PARD3: variants seen among roughly 807,000 people sequenced by gnomAD.
The protein encoded by PARD3 is par-3 family cell polarity regulator.
PARD3 carries 75 observed loss-of-function variants against 155.4 expected under a neutral mutation model. That is an observed-to-expected ratio of 0.48 (90% confidence interval 0.40 to 0.58). The LOEUF (loss-of-function observed/expected upper bound fraction) is 0.58, where lower values mean the gene tolerates loss of function less well. Ranked by LOEUF, PARD3 falls within the 20% of genes least tolerant of loss-of-function variation. The pLI is 0.00. For missense variants in PARD3, 1,642 were observed against 1,721.7 expected (o/e 0.95, Z 0.82); for synonymous variants, 576 against 610.5 (o/e 0.94, Z 0.83).
chr10:34,231,266 CAAAAAAAA>C (rs57175956), intron 22 of PARD3, among the ~76,000 whole-genome samples: 6 of 81,840 alleles, frequency 7.3e-5, no homozygotes, highest in African/African-American at 1.8e-4. Context: ...TAATCTTAGG[CAAAAAAAA>C]AAAAAAAAAA....
intron 4 of PARD3, among the ~76,000 whole-genome samples, chr10:34,457,704 G>A (rs759765893): frequency 2.0e-5 from 3 of 151,948 alleles, no homozygotes; most frequent in African/African-American, 7.3e-5. Flanking sequence ...GGGCTCAAGC[G>A]ATCCTCCCAT....
Position 34,606,579 on chromosome 10 carries a change from T to A in PARD3, c.223-89420A>T, listed in dbSNP as rs187351365. On this transcript the variant is annotated intron_variant, in intron 2 of 24. Coordinates refer to ENST00000374788, the MANE Select transcript of PARD3 (RefSeq NM_001184785.2). ...CTTTTGGGAGGCTGAGGCAGGAGGA[T>A]CACTTGAGGCCAGGAGTTCAAGACC... 7.1e-3 allele frequency among the ~76,000 whole-genome samples: 1,010 copies of A among 142,458 alleles called. 13 individuals are homozygous for A. Among genetic ancestry groups the A allele is most frequent in the African/African-American group, 0.024 (932 of 38,162 alleles). 93.5% of individuals were successfully genotyped at this position (142,458 alleles called of 152,430 possible).
At chr10:34,125,710 T>C (rs568330086) in intron 23 of PARD3, among the ~76,000 whole-genome samples, 1 of 152,316 alleles carries the variant, frequency 6.6e-6, no homozygotes, top group African/African-American at 2.4e-5. Context: ...ATTCATTGAA[T>C]GACGGACAGC....
At chr10:34,406,951 T>C (rs1844541379) in intron 5 of PARD3, among the ~76,000 whole-genome samples, 1 of 152,070 alleles carries the variant, frequency 6.6e-6, no homozygotes, top group South Asian at 2.1e-4. Context: ...TGTAACAGCA[T>C]TGAAAGGATG....
intron 3 of PARD3, among the ~76,000 whole-genome samples, chr10:34,476,185 G>A (rs1403941651): frequency 6.6e-6 from 1 of 152,186 alleles, no homozygotes; most frequent in Non-Finnish European, 1.5e-5. Context: ...TGTTGGAGAA[G>A]TGTTTTATGC....
At chr10:34,212,304 CCT>C (rs758480150) in intron 22 of PARD3, among the ~76,000 whole-genome samples, 13 of 152,080 alleles carry the variant, frequency 8.5e-5, no homozygotes, top group Non-Finnish European at 1.8e-4. Flanking sequence ...AACTTGAAGC[CCT>C]GTTATCTAGG....
rs5784409 is a variant in PARD3, at chr10:34,303,162, A to ATTTTTTTTTTTTTT, written c.3065+13931_3065+13944dup. ...AGAATTTATTTTACTGCCCAGGTGA[A>ATTTTTTTTTTTTTT]TTTTTTTTTTTTTTTTTTTTGTGCA... On this transcript the variant is annotated intron_variant, in intron 20 of 24. Coordinates refer to ENST00000374788, the MANE Select transcript of PARD3 (RefSeq NM_001184785.2). 4.6e-3 allele frequency among the ~76,000 whole-genome samples: 609 copies of ATTTTTTTTTTTTTT among 131,750 alleles called. 13 individuals carry two copies. The highest frequency in any genetic ancestry group is 0.021 in the East Asian group (93 of 4,530). The allele number at this position is 131,750 out of a possible 152,430, so 86.4% of individuals were successfully genotyped here. A position where few individuals can be genotyped will look rare whatever the true frequency, so the allele number is the denominator to read the frequency against.
intron 3 of PARD3, among the ~76,000 whole-genome samples, chr10:34,499,432 CAA>C (rs1388672897): frequency 6.6e-6 from 1 of 151,822 alleles, no homozygotes; most frequent in Admixed American, 6.6e-5. Context: ...GATATAGACA[CAA>C]AAAGTTATTT....
chr10:34,801,179 C>A (rs1363724697), intron 1 of PARD3, among the ~76,000 whole-genome samples: 1 of 152,194 alleles, frequency 6.6e-6, no homozygotes, highest in Non-Finnish European at 1.5e-5. Flanking sequence ...TTCCTATCTC[C>A]CGTGCTGCTA....
intron 22 of PARD3, among the ~76,000 whole-genome samples, chr10:34,177,438 A>C (rs894296448): frequency 3.0e-4 from 46 of 152,134 alleles, no homozygotes; most frequent in Admixed American, 2.9e-3. Context: ...AATACCCCCC[A>C]AATCAGTTTG....
chr10:34,761,379 C>T (rs948205504), intron 1 of PARD3, among the ~76,000 whole-genome samples: 7 of 152,278 alleles, frequency 4.6e-5, no homozygotes, highest in Middle Eastern at 3.4e-3. Context: ...CCACTGCACT[C>T]CAGCCTGGGT....
intron 5 of PARD3, among the ~76,000 whole-genome samples, chr10:34,448,134 C>CGTGT (rs35325584): frequency 0.25 from 36,585 of 146,978 alleles, 4,690 homozygotes; most frequent in East Asian, 0.35. Flanking sequence ...ATATACACTG[C>CGTGT]GTGTGTGTGT....
At chr10:34,219,114 C>T (rs1952152027) in intron 22 of PARD3, among the ~76,000 whole-genome samples, 1 of 152,148 alleles carries the variant, frequency 6.6e-6, no homozygotes, top group Non-Finnish European at 1.5e-5. Context: ...TTCAGCTGGG[C>T]CTGCCCACTT....
At chr10:34,720,993 A>G (rs1168861070) in intron 1 of PARD3, among the ~76,000 whole-genome samples, 1 of 152,188 alleles carries the variant, frequency 6.6e-6, no homozygotes, top group Non-Finnish European at 1.5e-5. Context: ...AAATAAAAGA[A>G]AACACTTTTC....
chr10:34,797,111 A>G (rs373649786), intron 1 of PARD3, among the ~76,000 whole-genome samples: 28 of 152,362 alleles, frequency 1.8e-4, no homozygotes, highest in East Asian at 1.2e-3. Flanking sequence ...CCCACTGGCA[A>G]TCTGGTGTCA....
chr10:34,262,427 C>T (rs1298390884), intron 22 of PARD3, among the ~76,000 whole-genome samples: 4 of 152,024 alleles, frequency 2.6e-5, no homozygotes, highest in Non-Finnish European at 5.9e-5. Flanking sequence ...ACCACCATGC[C>T]CGGATAATTT....
chr10:34,333,619 T>C (rs1172518502), intron 18 of PARD3, among the ~76,000 whole-genome samples: 2 of 152,096 alleles, frequency 1.3e-5, no homozygotes, highest in Admixed American at 1.3e-4. Flanking sequence ...CTACAACTTC[T>C]GAACCTGTAA....
chr10:34,814,966 G>T lies in PARD3; in HGVS notation c.30C>A (p.Thr10=). The change falls in exon 1 of 25, where the codon ACC becomes ACA. Residue 10 remains threonine (T), a synonymous_variant. Transcript: ENST00000374788. ...CGTCCCCGCACGGCACGACCACCCG[G>T]GTCCGTCCGAAGCACACGGTCACTT... MKVTVCFGR[T]RVVVPCGDGH... 3 of 1,555,376 alleles carry T rather than the reference G, an allele frequency of 1.9e-6. No homozygotes were observed. In the East Asian group the frequency reaches 7.8e-5, roughly 40 times the overall value.
At chr10:34,696,536 A>G in intron 1 of PARD3, 117 bp from the exon 2 acceptor site, 1 of 682,668 alleles carries the variant, frequency 1.5e-6, no homozygotes, top group Non-Finnish European at 2.6e-6. Flanking sequence ...CATATCAACA[A>G]TACTGCAACT....
Sources: allele counts gnomAD v4.1 joint callset (sites outside exome capture counted in the v4.1 genomes callset), GRCh38; gene constraint gnomAD v4.1.1; transcripts MANE v1.5; gene names NCBI Gene and HGNC (gene_info 2026-07-23, HGNC 2026-07-21).